Variants in B4GALNT3 observed in about 807,000 individuals in gnomAD.
B4GALNT3 encodes the protein beta-1,4-N-acetylgalactosaminyltransferase 3.
B4GALNT3 carries 86 observed loss-of-function variants against 120.2 expected under a neutral mutation model. That is an observed-to-expected ratio of 0.72 (90% CI 0.60 to 0.86). The LOEUF (loss-of-function observed/expected upper bound fraction) is 0.86. Ranked by LOEUF, B4GALNT3 falls within the 40% of genes least tolerant of loss-of-function variation. B4GALNT3 has a pLI of 0.00. For synonymous variants in B4GALNT3, 518 were observed against 510.4 expected, an observed-to-expected ratio of 1.01 and a Z score of -0.20; for missense variants, 1,167 against 1,298.9, an observed-to-expected ratio of 0.90 and a Z score of 1.56.
In B4GALNT3 at chr12:553,831, G is replaced by T. The variant is rs1441995251; in HGVS notation, c.1908G>T (p.Gln636His). 6.2e-7 allele frequency: 1 copy of T among 1,614,124 alleles called. No homozygotes were observed. The highest frequency in any genetic ancestry group is 8.5e-7 in the Non-Finnish European group (1 of 1,180,048). Residue 636 changes from glutamine to histidine, a missense_variant, in exon 14 of 20, where the codon CAG becomes CAT. By Grantham distance (24) the Gln-to-His change is conservative. Around this residue, in one of 3 missense-constraint regions of B4GALNT3, gnomAD observed 983 missense variants for 1,102.5 expected, o/e 0.89. Coordinates refer to ENST00000266383, the MANE Select transcript of B4GALNT3 (RefSeq NM_173593.4). Reference sequence around the variant, plus strand: ...TTGACCCGGTAGTAAACTGGGACCAGACCTTCAGTGCCCGGAATCTCGACT... The same window carrying T: ...TTGACCCGGTAGTAAACTGGGACCATACCTTCAGTGCCCGGAATCTCGACT... ...PVFDPVVNWD[Q>H]TFSARNLDFQ...
At chr12:517,939 G>A (rs1473911472) in intron 1 of B4GALNT3, among the ~76,000 whole-genome samples, 2 of 152,208 alleles carry the variant, frequency 1.3e-5, no homozygotes, top group African/African-American at 4.8e-5. Context: ...TGAGGTCTTT[G>A]AAACCAAACA....
chr12:553,168 T>A (rs770956099), intron 13 of B4GALNT3, 26 bp from the exon 14 acceptor site: 55 of 1,603,606 alleles, frequency 3.4e-5, no homozygotes, highest in Non-Finnish European at 8.5e-7. Flanking sequence ...ACTCTTGACA[T>A]GAGGAATGGT....
Position 553,630 on chromosome 12 carries a change from C to T in B4GALNT3, c.1707C>T (p.Ile569=), listed in dbSNP as rs138884534. ...TQWLNQVESY[I]AEQRRGDRMR... ...GGCTGAACCAGGTGGAGTCGTACAT[C>T]GCAGAGCAGAGACGGGGTGACAGGA... Residue 569 remains isoleucine, a synonymous_variant, in exon 14 of 20, where the codon ATC becomes ATT. Transcript: ENST00000266383. The T allele has an allele frequency of 1.1e-4, 181 of 1,614,000 alleles. No homozygotes were observed. In the African/African-American group the frequency reaches 2.0e-3, roughly 18 times the overall value.
In B4GALNT3 at chr12:561,506, C is replaced by T; in HGVS notation, c.*55C>T. 7.3e-7 allele frequency: 1 copy of T among 1,378,106 alleles called. No individual in the cohort carries two copies. Among genetic ancestry groups the T allele is most frequent in the Non-Finnish European group, 1.0e-6 (1 of 987,746 alleles). 85.4% of individuals were successfully genotyped at this position (1,378,106 alleles called of 1,614,324 possible). Reference sequence around the variant, plus strand: ...CCCGCTCTGGACTAGCAGTGGCTCCCCAGGGCCCTGCTACTGTTCAGGGAT... The same window carrying T: ...CCCGCTCTGGACTAGCAGTGGCTCCTCAGGGCCCTGCTACTGTTCAGGGAT... On this transcript the variant is annotated 3_prime_UTR_variant, in exon 20 of 20. Transcript: ENST00000266383.
Position 549,827 on chromosome 12 carries a change from C to T in B4GALNT3, c.912C>T (p.His304=), listed in dbSNP as rs73592377. The change falls in exon 10 of 20, where the codon CAC becomes CAT. Residue 304 remains histidine, a synonymous_variant. Coordinates refer to ENST00000266383, the MANE Select transcript of B4GALNT3 (RefSeq NM_173593.4). ...VGHIPQTAAS[H]VDSSNALPRD... ...ACATCCCACAGACAGCAGCCAGCCA[C>T]GTGGACTCCTCCAACGCTCTTCCCA... The T allele has an allele frequency of 0.047, 75,093 of 1,613,730 alleles. 2,642 individuals carry two copies. The highest frequency in any genetic ancestry group is 0.17 in the African/African-American group (12,684 of 75,002).
At chr12:560,303 C>G (rs145502275) in intron 19 of B4GALNT3, among the ~76,000 whole-genome samples, 2 of 152,104 alleles carry the variant, frequency 1.3e-5, no homozygotes, top group East Asian at 1.9e-4. Context: ...CACTTCTTCC[C>G]GAGAGGCAGG....
At chr12:507,960 C>G (rs1353464759) in intron 1 of B4GALNT3, among the ~76,000 whole-genome samples, 1 of 152,164 alleles carries the variant, frequency 6.6e-6, no homozygotes, top group African/African-American at 2.4e-5. Flanking sequence ...GGACACCTGC[C>G]CCTGGAAATC....
intron 1 of B4GALNT3, among the ~76,000 whole-genome samples, chr12:478,310 A>T (rs972361507): frequency 3.3e-5 from 5 of 149,684 alleles, no homozygotes; most frequent in Non-Finnish European, 7.4e-5. Flanking sequence ...TTCAAGCCTG[A>T]TTTAGCTTGT....
At chr12:522,832 G>A (rs976732858) in intron 1 of B4GALNT3, among the ~76,000 whole-genome samples, 3 of 151,460 alleles carry the variant, frequency 2.0e-5, no homozygotes, top group African/African-American at 7.3e-5. Flanking sequence ...CAGCTACCTG[G>A]GAGCTGAGGT....
chr12:536,861 C>G (rs930699957), intron 3 of B4GALNT3, among the ~76,000 whole-genome samples: 1 of 152,188 alleles, frequency 6.6e-6, no homozygotes, highest in Admixed American at 6.5e-5. Context: ...CTTTCATGGC[C>G]ATGCCAATCC....
At chr12:521,571 A>C (rs1025838864) in intron 1 of B4GALNT3, among the ~76,000 whole-genome samples, 1 of 152,026 alleles carries the variant, frequency 6.6e-6, no homozygotes, top group African/African-American at 2.4e-5. Context: ...ACAGTGAAGG[A>C]CCGTTCTTAC....
chr12:560,313 G>A (rs1005165637), intron 19 of B4GALNT3, among the ~76,000 whole-genome samples: 4 of 152,138 alleles, frequency 2.6e-5, no homozygotes, highest in African/African-American at 9.7e-5. Context: ...CGAGAGGCAG[G>A]ACAAAATGCA....
In B4GALNT3 at chr12:561,378, C is replaced by T; in HGVS notation, c.2924C>T (p.Ser975Phe). Residue 975 changes from serine to phenylalanine, a missense_variant, in exon 20 of 20, where the codon TCC (serine) becomes TTC (phenylalanine). Physicochemically the swap from Ser to Phe is radical, Grantham distance 155 (BLOSUM62 -2). Coordinates refer to ENST00000266383, the MANE Select transcript of B4GALNT3 (RefSeq NM_173593.4). ...GCGGGCCTGGACGTGGAGCGTCTCT[C>T]CCTCAGGAATTTCTTCCATCATTTC... ...LQAGLDVERL[S>F]LRNFFHHFHS... is the part of the protein sequence containing the mutation. The T allele has an allele frequency of 6.2e-7, 1 of 1,614,044 alleles. No individual in the cohort carries two copies. The highest frequency in any genetic ancestry group is 8.5e-7 in the Non-Finnish European group (1 of 1,179,982).
rs1946895313 is a variant in B4GALNT3, at chr12:539,586, ACCATACACTTCAC to A, written c.351+3303_351+3315del. Among the ~76,000 whole-genome samples the A allele has an allele frequency of 2.0e-5, 3 of 152,146 alleles. No individual in the cohort carries two copies. The South Asian group carries it at 6.2e-4, about 32-fold the overall frequency. Reference sequence around the variant, plus strand: ...AGCTTTATTGAACTGTAATTCACATACCATACACTTCACCCATACACTTCGTTTAAAGTGTACA... The same window carrying A: ...AGCTTTATTGAACTGTAATTCACATACCATACACTTCGTTTAAAGTGTACA... On this transcript the variant is annotated intron_variant, in intron 3 of 19. Transcript: ENST00000266383.
chr12:493,546 T>G (rs560519589), intron 1 of B4GALNT3, among the ~76,000 whole-genome samples: 3 of 152,234 alleles, frequency 2.0e-5, no homozygotes, highest in Middle Eastern at 3.4e-3. Context: ...TACTTATTCC[T>G]TATTGTAAGG....
rs1947160511 is a variant in B4GALNT3 at position 556,734 on chromosome 12, C to T, written c.2248C>T (p.Leu750=). The stretch of plus-strand genomic sequence containing the variant: ...TGGGGAGGAGGTCGAGGCCCGGAAC[C>T]TGCAAGGCCTGGTCTGGGACCCACA... The part of the protein sequence containing the change: ...AGGEEVEARN[L]QGLVWDPHNR... The change falls in exon 15 of 20, where the codon CTG becomes TTG. Residue 750 remains leucine (L), a synonymous_variant. Transcript: ENST00000266383. 2 of 1,612,680 alleles carry T rather than the reference C, an allele frequency of 1.2e-6. No homozygotes were observed. Among genetic ancestry groups the T allele is most frequent in the South Asian group, 1.1e-5 (1 of 90,918 alleles).
chr12:515,300 C>A (rs1382696601), intron 1 of B4GALNT3, among the ~76,000 whole-genome samples: 1 of 152,136 alleles, frequency 6.6e-6, no homozygotes, highest in African/African-American at 2.4e-5. Flanking sequence ...GGTTCTCCTG[C>A]CTCAGCCTCC....
chr12:527,407 C>G (rs563659039), intron 1 of B4GALNT3, among the ~76,000 whole-genome samples: 4 of 152,216 alleles, frequency 2.6e-5, no homozygotes, highest in Non-Finnish European at 5.9e-5. Context: ...GCCTGTAGCT[C>G]GCAAACCTCA....
At chr12:559,201 T>C in intron 18 of B4GALNT3, 94 bp from the exon 19 acceptor site, 6 of 1,536,010 alleles carry the variant, frequency 3.9e-6, no homozygotes, top group Non-Finnish European at 5.4e-6. Context: ...CCTCTGACTT[T>C]CAGAAGAGCC....
Sources: gnomAD v4.1 joint callset for allele counts (sites outside exome capture counted in the v4.1 genomes callset) on GRCh38, gnomAD v4.1.1 for gene constraint, gnomAD v4.1.1 regional missense constraint, MANE v1.5 for transcripts, NCBI Gene and HGNC (gene_info 2026-07-23, HGNC 2026-07-21) for gene names.